DLC1: variants seen among roughly 807,000 people sequenced by gnomAD.
DLC1 encodes the protein DLC1 Rho GTPase activating protein.
A neutral mutation model predicts 140.3 loss-of-function variants in DLC1; 54 were observed. That is an observed-to-expected ratio of 0.38 (90% confidence interval 0.31 to 0.48). DLC1 has a LOEUF of 0.48. Ranked by LOEUF, DLC1 falls within the 20% of genes least tolerant of loss-of-function variation. The pLI is 0.96. For synonymous variants in DLC1, 986 were observed against 728.1 expected (o/e 1.35, Z -5.70); for missense variants, 2,536 against 1,907.0 (o/e 1.33, Z -6.14).
At chr8:13,478,540 T>C (rs551945270) in intron 2 of DLC1, among the ~76,000 whole-genome samples, 1 of 152,262 alleles carries the variant, frequency 6.6e-6, no homozygotes, top group South Asian at 2.1e-4. Flanking sequence ...AACTCATAGC[T>C]AAAAAATGCA....
chr8:13,151,838 C>G (rs1214804056), intron 5 of DLC1, among the ~76,000 whole-genome samples: 2 of 152,142 alleles, frequency 1.3e-5, no homozygotes, highest in African/African-American at 2.4e-5. Context: ...AAATTTTATA[C>G]CATTTACATT....
chr8:13,136,903 A>G (rs906027490), intron 5 of DLC1, among the ~76,000 whole-genome samples: 4 of 152,182 alleles, frequency 2.6e-5, no homozygotes, highest in African/African-American at 7.2e-5. Context: ...CTTCAGTTTC[A>G]TCTTTAAAAA....
intron 5 of DLC1, among the ~76,000 whole-genome samples, chr8:13,253,368 G>C (rs1424161657): frequency 6.6e-6 from 1 of 152,144 alleles, no homozygotes; most frequent in African/African-American, 2.4e-5. Context: ...TTCATTGTGA[G>C]AGGACTTGCT....
chr8:13,558,373 G>C (rs556577996), intron 1 of DLC1: 6 of 152,246 alleles, frequency 3.9e-5, no homozygotes, highest in Admixed American at 1.3e-4. Context: ...GTGACTGATG[G>C]GATGTGTTCA....
chr8:13,401,876 T>C (rs528641708), intron 2 of DLC1, among the ~76,000 whole-genome samples: 5 of 152,286 alleles, frequency 3.3e-5, no homozygotes, highest in African/African-American at 1.2e-4. Context: ...ATAACACCTA[T>C]GAGTAATGGC....
intron 2 of DLC1, among the ~76,000 whole-genome samples, chr8:13,419,824 C>A (rs1838233037): frequency 6.6e-6 from 1 of 152,152 alleles, no homozygotes; most frequent in African/African-American, 2.4e-5. Context: ...TAGAATTCGG[C>A]TGTGAATCCA....
At chr8:13,436,261 C>T (rs1406734697) in intron 2 of DLC1, among the ~76,000 whole-genome samples, 1 of 152,166 alleles carries the variant, frequency 6.6e-6, no homozygotes, top group African/African-American at 2.4e-5. Context: ...GCGTAGGAAA[C>T]ACGTTTTGCT....
intron 1 of DLC1, among the ~76,000 whole-genome samples, chr8:13,589,171 C>T (rs780425128): frequency 4.6e-5 from 7 of 152,080 alleles, no homozygotes; most frequent in Non-Finnish European, 1.0e-4. Context: ...GTCCAAACAA[C>T]AGGCTGTCGT....
intron 5 of DLC1, among the ~76,000 whole-genome samples, chr8:13,239,881 G>C (rs1334142936): frequency 6.6e-6 from 1 of 152,162 alleles, no homozygotes; most frequent in Non-Finnish European, 1.5e-5. Context: ...CATCAGGAGG[G>C]AAAGCAGAAT....
intron 5 of DLC1, among the ~76,000 whole-genome samples, chr8:13,278,399 A>C (rs1428899187): frequency 6.6e-6 from 1 of 152,160 alleles, no homozygotes; most frequent in South Asian, 2.1e-4. Flanking sequence ...GAATGGCATG[A>C]AGTACCCATG....
upstream of DLC1, among the ~76,000 whole-genome samples, chr8:13,518,389 G>A (rs540712422): frequency 5.3e-5 from 8 of 152,246 alleles, no homozygotes; most frequent in South Asian, 4.1e-4. Context: ...GTTTAGAGGC[G>A]TGAGCCACTG....
chr8:13,094,759 A>G lies in DLC1; in HGVS notation c.3526T>C (p.Tyr1176His). 1.9e-6 allele frequency: 3 copies of G among 1,614,180 alleles called. No homozygotes were observed. The highest frequency in any genetic ancestry group is 1.7e-6 in the Non-Finnish European group (2 of 1,180,024). ...AATCTTAAGATCAAAGGACACTCAC[A>G]TTGGTAGATCTGTAGAAAGGTTTCC... ...LSETFLQIYQYVPKDQRLQAI... is the reference protein window; with the variant it reads ...LSETFLQIYQHVPKDQRLQAI... Residue 1176 changes from tyrosine (Y) to histidine (H), a missense_variant and splice_region_variant, in exon 12 of 18, where the codon TAT (tyrosine) becomes CAT (histidine). By Grantham distance (83) the Tyr-to-His change is moderately conservative. Coordinates refer to ENST00000276297, the MANE Select transcript of DLC1 (RefSeq NM_182643.3).
intron 5 of DLC1, among the ~76,000 whole-genome samples, chr8:13,221,726 G>GTGTGTATATA (rs952162614): frequency 1.5e-5 from 2 of 132,448 alleles, no homozygotes; most frequent in African/African-American, 5.8e-5. Flanking sequence ...GTGTGTGTGT[G>GTGTGTATATA]TATATATATA....
chr8:13,476,971 G>A (rs1416827584), intron 2 of DLC1, among the ~76,000 whole-genome samples: 1 of 152,174 alleles, frequency 6.6e-6, no homozygotes, highest in Non-Finnish European at 1.5e-5. Context: ...AAGGGAAGTT[G>A]TGCTTTTCTC....
chr8:13,566,485 T>G (rs1241248818), intron 1 of DLC1, among the ~76,000 whole-genome samples: 28 of 152,114 alleles, frequency 1.8e-4, no homozygotes, highest in Admixed American at 1.8e-3. Context: ...GAGGTGTCTC[T>G]TGGCTATAAA....
chr8:13,404,897 T>G (rs867853197), intron 2 of DLC1, among the ~76,000 whole-genome samples: 1 of 152,048 alleles, frequency 6.6e-6, no homozygotes, highest in South Asian at 2.1e-4. Context: ...TCCTAGCTAC[T>G]TGGGAGTCCT....
chr8:13,218,219 C>T (rs1486231681), intron 5 of DLC1, among the ~76,000 whole-genome samples: 3 of 152,118 alleles, frequency 2.0e-5, no homozygotes, highest in African/African-American at 7.2e-5. Context: ...CCTTACCTTA[C>T]ACCGTATACA....
intron 4 of DLC1, among the ~76,000 whole-genome samples, chr8:13,350,310 T>A (rs1834585837): frequency 6.6e-6 from 1 of 152,226 alleles, no homozygotes; most frequent in Non-Finnish European, 1.5e-5. Context: ...TCATTTTTTT[T>A]TTTGTTCTTT....
At chr8:13,180,702 G>A (rs1825984339) in intron 5 of DLC1, among the ~76,000 whole-genome samples, 1 of 151,978 alleles carries the variant, frequency 6.6e-6, no homozygotes, top group Non-Finnish European at 1.5e-5. Flanking sequence ...ACTAATCTCA[G>A]TCCTTAACAT....
Sources: allele counts gnomAD v4.1 joint callset (sites outside exome capture counted in the v4.1 genomes callset), GRCh38; gene constraint gnomAD v4.1.1; transcripts MANE v1.5; gene names NCBI Gene and HGNC (gene_info 2026-07-23, HGNC 2026-07-21).